The following COL4A4 variants were observed in gnomAD, a reference collection of about 807,000 sequenced individuals.
The protein encoded by COL4A4 is collagen type IV alpha 4 chain, also known as collagen alpha-4(IV) chain.
A neutral mutation model predicts 192.9 loss-of-function variants in COL4A4; 105 were observed. That is an observed-to-expected ratio of 0.54 (90% confidence interval 0.46 to 0.64). The LOEUF is 0.64. Ranked by LOEUF, COL4A4 falls within the 30% of genes least tolerant of loss-of-function variation. COL4A4 has a pLI of 0.00. For synonymous variants in COL4A4, 762 were observed against 769.9 expected (o/e 0.99, Z 0.17); for missense variants, 1,967 against 2,169.3 (o/e 0.91, Z 1.85).
At chr2:227,087,857 C>T (rs2059687420) in intron 22 of COL4A4, among the ~76,000 whole-genome samples, 3 of 152,248 alleles carry the variant, frequency 2.0e-5, no homozygotes, top group Admixed American at 6.5e-5. Flanking sequence ...CCTTCCTAAC[C>T]TCCTGCCAGT....
chr2:227,148,493 GA>G (rs1439851445), intron 1 of COL4A4, among the ~76,000 whole-genome samples: 1 of 152,130 alleles, frequency 6.6e-6, no homozygotes, highest in African/African-American at 2.4e-5. Context: ...TTTGGGAGAG[GA>G]AAGAATTGAG....
chr2:226,997,590 T>G, the COL4A4 span: 2 of 152,354 alleles, frequency 1.3e-5, no homozygotes, highest in Admixed American at 6.5e-5. Context: ...TTCCATTGTA[T>G]TAAGAGTCCA....
chr2:226,989,597 T>C, the COL4A4 span, among the ~76,000 whole-genome samples: 3 of 152,364 alleles, frequency 2.0e-5, no homozygotes, highest in African/African-American at 7.2e-5. Flanking sequence ...TTTGTCTCTT[T>C]GACTTTTCTT....
At chr2:227,100,398 AT>A (rs2060441959) in intron 17 of COL4A4, among the ~76,000 whole-genome samples, 1 of 152,218 alleles carries the variant, frequency 6.6e-6, no homozygotes, top group Non-Finnish European at 1.5e-5. Context: ...CACAGCATGC[AT>A]TAAAGTACTA....
At chr2:227,142,384 T>C (rs569926087) in intron 3 of COL4A4, among the ~76,000 whole-genome samples, 2 of 152,336 alleles carry the variant, frequency 1.3e-5, no homozygotes, top group African/African-American at 4.8e-5. Context: ...CTAATGTTAC[T>C]CTTCTTCAAA....
chr2:227,102,000 C>G, intron 15 of COL4A4, 91 bp from the exon 16 acceptor site: 1 of 910,858 alleles, frequency 1.1e-6, no homozygotes, highest in South Asian at 1.6e-5. Flanking sequence ...TCAAATTGTT[C>G]CATGGATATT....
chr2:227,161,406 T>C (rs1295565971), intron 1 of COL4A4, among the ~76,000 whole-genome samples: 2 of 152,252 alleles, frequency 1.3e-5, no homozygotes, highest in Non-Finnish European at 2.9e-5. Flanking sequence ...GAGACCTCTG[T>C]GTCCTTTGAA....
chr2:227,007,071 C>T lies in COL4A4; in HGVS notation c.*254G>A, dbSNP rs1465642380. 3.5e-6 allele frequency: 2 copies of T among 571,050 alleles called. No individual in the cohort carries two copies. The highest frequency in any genetic ancestry group is 6.3e-6 in the Non-Finnish European group (2 of 315,934). 35.4% of individuals were successfully genotyped at this position (571,050 alleles called of 1,614,324 possible). ...AGAATTAGCATATTTTTAAGTAAAG[C>T]CAGTTCTTCGATCATCCTCAGTAAA... On this transcript the variant is annotated 3_prime_UTR_variant, in exon 48 of 48. Coordinates refer to ENST00000396625, the MANE Select transcript of COL4A4 (RefSeq NM_000092.5).
Position 227,010,449 on chromosome 2 carries a change from G to T in COL4A4, c.4386C>A (p.Tyr1462Ter). Residue 1462 changes from tyrosine to a stop codon, truncating the protein, a stop_gained, in exon 46 of 48, where the codon TAC becomes TAA. Transcript: ENST00000396625. LOFTEE classifies it high-confidence loss of function. ...DPGPKGFGPG[Y>*]LGGFLLVLHS... is the part of the protein sequence containing the mutation. ...GGAGAACCAGGAGGAAGCCACCGAG[G>T]TATCCAGGGCCAAACCCTTTGGGCC... 6.2e-7 allele frequency: 1 copy of T among 1,613,322 alleles called. No homozygotes were observed. The highest frequency in any genetic ancestry group is 8.5e-7 in the Non-Finnish European group (1 of 1,179,578).
In COL4A4 at chr2:227,080,458, C is replaced by T. The variant is rs377108110; in HGVS notation, c.1788G>A (p.Gly596=). 4 of 1,613,876 alleles carry T rather than the reference C, an allele frequency of 2.5e-6. No homozygotes were observed. The highest frequency in any genetic ancestry group is 3.4e-6 in the Non-Finnish European group (4 of 1,179,946). Residue 596 remains glycine, a synonymous_variant, in exon 24 of 48, where the codon GGG becomes GGA. Coordinates refer to ENST00000396625, the MANE Select transcript of COL4A4 (RefSeq NM_000092.5). The part of the protein sequence containing the change: ...HGRDGHAGEK[G]DPGPPGDHED... Reference sequence around the variant, plus strand: ...TTCTACATACTGGAGGTCCTGGATCCCCTTTTTCTCCAGCATGTCCATCCC... The same window carrying T: ...TTCTACATACTGGAGGTCCTGGATCTCCTTTTTCTCCAGCATGTCCATCCC...
intron 3 of COL4A4, among the ~76,000 whole-genome samples, chr2:227,143,674 T>C (rs1051325626): frequency 1.3e-5 from 2 of 152,116 alleles, no homozygotes. Context: ...GTAAGAGAAA[T>C]AGAAAAAATA....
intron 20 of COL4A4, among the ~76,000 whole-genome samples, chr2:227,091,447 G>A (rs1233192795): frequency 4.7e-5 from 7 of 150,288 alleles, no homozygotes; most frequent in Non-Finnish European, 4.4e-5. Flanking sequence ...AAGACATGTA[G>A]GATTGATTTT....
intron 45 of COL4A4, among the ~76,000 whole-genome samples, chr2:227,010,845 C>T (rs946940502): frequency 1.2e-4 from 18 of 152,140 alleles, no homozygotes; most frequent in African/African-American, 3.9e-4. Context: ...TTATGAAATA[C>T]GCTGGGAAGA....
At chr2:227,041,763 GAA>G (rs1970970873) in intron 37 of COL4A4, among the ~76,000 whole-genome samples, 25 of 119,232 alleles carry the variant, frequency 2.1e-4, no homozygotes, top group Admixed American at 3.5e-4. Flanking sequence ...AGGAAGGAAG[GAA>G]GGAAGGAAGG....
chr2:227,101,593 AG>A, intron 16 of COL4A4, 36 bp from the exon 17 acceptor site: 1 of 1,579,692 alleles, frequency 6.3e-7, no homozygotes, highest in Middle Eastern at 1.7e-4. Context: ...AAAAAAAAAA[AG>A]TGACTGGGTG....
intron 24 of COL4A4, 102 bp from the exon 25 acceptor site, chr2:227,078,179 C>T: frequency 8.7e-7 from 1 of 1,148,380 alleles, no homozygotes; most frequent in Admixed American, 2.0e-5. Context: ...TCCATAATTT[C>T]AGGAGACAGT....
chr2:227,033,257 A>T (rs1254174743), intron 38 of COL4A4, among the ~76,000 whole-genome samples, 153 bp downstream of exon 38: 1 of 152,212 alleles, frequency 6.6e-6, no homozygotes, highest in Non-Finnish European at 1.5e-5. Context: ...TCAGCACTAA[A>T]AATAGCTCCA....
At chr2:227,143,445 C>T (rs1403993970) in intron 3 of COL4A4, among the ~76,000 whole-genome samples, 1 of 152,094 alleles carries the variant, frequency 6.6e-6, no homozygotes, top group Non-Finnish European at 1.5e-5. Flanking sequence ...ATTTGTATTG[C>T]TACCTTTAAA....
chr2:227,081,696 T>C (rs558437219), intron 23 of COL4A4, among the ~76,000 whole-genome samples: 2 of 152,262 alleles, frequency 1.3e-5, no homozygotes, highest in East Asian at 1.9e-4. Context: ...CTCTTACTAA[T>C]AAAAAACACT....
Sources: gnomAD v4.1 joint callset for allele counts (sites outside exome capture counted in the v4.1 genomes callset) on GRCh38, gnomAD v4.1.1 for gene constraint, MANE v1.5 for transcripts, NCBI Gene and HGNC (gene_info 2026-07-23, HGNC 2026-07-21) for gene names.